CELF2: variants seen among roughly 807,000 people sequenced by gnomAD.
The protein encoded by CELF2 is CUGBP Elav-like family member 2.
A neutral mutation model predicts 62.6 loss-of-function variants in CELF2; 8 were observed. That is an observed-to-expected ratio of 0.13 (90% CI 0.07 to 0.23). CELF2 has a LOEUF of 0.23. Ranked by LOEUF, CELF2 falls within the 10% of genes least tolerant of loss-of-function variation. CELF2 has a pLI of 1.00. For synonymous variants in CELF2, 258 were observed against 250.0 expected (o/e 1.03, Z -0.30); for missense variants, 333 against 671.0 (o/e 0.50, Z 5.56).
In CELF2 at chr10:10,936,866, C is replaced by T. The variant is rs2046448856; in HGVS notation, c.89+16867C>T. 6.6e-6 allele frequency among the ~76,000 whole-genome samples: 1 copy of T among 152,108 alleles called. No individual in the cohort carries two copies. Among genetic ancestry groups the T allele is most frequent in the African/African-American group, 2.4e-5 (1 of 41,390 alleles). ...CTGATTCAGCTGGTCTGGGGCAAAA[C>T]CTGAAATTCTGTATTTCTGACAAGC... On this transcript the variant is annotated intron_variant, in intron 2 of 13. Coordinates refer to the CELF2 transcript ENST00000636488. The surrounding 1 kb of genome is among the most constrained non-coding windows in gnomAD (Gnocchi z 4.0).
the CELF2 span, among the ~76,000 whole-genome samples, chr10:10,745,651 G>A: frequency 5.9e-5 from 9 of 152,224 alleles, no homozygotes; most frequent in South Asian, 6.2e-4. Flanking sequence ...TACAAAGACC[G>A]CCTATCTTCG....
At position 11,253,463 on chromosome 10, in the gene CELF2, C is replaced by T. The variant is rs138921717; in HGVS notation, c.403+4262C>T. 8.6e-4 allele frequency among the ~76,000 whole-genome samples: 131 copies of T among 152,292 alleles called. 4 individuals are homozygous for T. The East Asian group carries it at 0.023, about 27-fold the overall frequency. ...TGGGGTGGCTCCATCCAGTCACTTT[C>T]TGATTCACGGGAAGATGAAGAAATA... On this transcript the variant is annotated intron_variant, in intron 4 of 12. Transcript: ENST00000633077.
the CELF2 span, among the ~76,000 whole-genome samples, chr10:10,671,516 T>C: frequency 6.6e-6 from 1 of 152,202 alleles, no homozygotes; most frequent in Non-Finnish European, 1.5e-5. Flanking sequence ...CCAAAATGTC[T>C]TCCCAAAAGA....
intron 2 of CELF2, among the ~76,000 whole-genome samples, chr10:11,174,284 A>G (rs1217066355): frequency 1.3e-5 from 2 of 152,116 alleles, no homozygotes; most frequent in Non-Finnish European, 2.9e-5. Context: ...GCAAGCAGAG[A>G]AGAAAGTTTT....
At chr10:10,507,870 GCCCT>G in the CELF2 span, among the ~76,000 whole-genome samples, 1 of 152,140 alleles carries the variant, frequency 6.6e-6, no homozygotes, top group East Asian at 1.9e-4. Context: ...AATATTGAAA[GCCCT>G]CAAATTTAGT....
chr10:11,106,545 C>G (rs1478760320), intron 1 of CELF2, among the ~76,000 whole-genome samples: 2 of 152,206 alleles, frequency 1.3e-5, no homozygotes, highest in African/African-American at 4.8e-5. Context: ...CCCATCTTGA[C>G]ACTTTTAATA....
At chr10:11,277,457 A>G (rs1052058368) in intron 8 of CELF2, among the ~76,000 whole-genome samples, 13 of 152,252 alleles carry the variant, frequency 8.5e-5, no homozygotes, top group South Asian at 8.3e-4. Flanking sequence ...TACTCTGTGG[A>G]TACTCTTCCG....
chr10:10,973,773 G>A (rs1367895983), intron 2 of CELF2, among the ~76,000 whole-genome samples: 1 of 152,048 alleles, frequency 6.6e-6, no homozygotes. Context: ...TCATTCTGTT[G>A]CCTGGGCTGG....
intron 1 of CELF2, among the ~76,000 whole-genome samples, chr10:11,091,472 C>A (rs1212481265): frequency 6.6e-6 from 1 of 152,188 alleles, no homozygotes; most frequent in Non-Finnish European, 1.5e-5. Flanking sequence ...CATGGCACAT[C>A]CCTTCAAGAA....
chr10:10,885,253 C>CA (rs1272045144), intron 1 of CELF2, among the ~76,000 whole-genome samples: 1 of 150,430 alleles, frequency 6.6e-6, no homozygotes, highest in Non-Finnish European at 1.5e-5. Context: ...AAAAAAAAAA[C>CA]AAAAAAGATA....
intron 2 of CELF2, among the ~76,000 whole-genome samples, chr10:10,969,700 A>G (rs1265774896): frequency 6.6e-6 from 1 of 152,180 alleles, no homozygotes; most frequent in African/African-American, 2.4e-5. Context: ...TACATATCAA[A>G]TATAGATGCA....
At chr10:10,679,127 T>G in the CELF2 span, among the ~76,000 whole-genome samples, 1 of 152,190 alleles carries the variant, frequency 6.6e-6, no homozygotes, top group Non-Finnish European at 1.5e-5. Context: ...ATAATACTTG[T>G]TTATTTATAA....
At chr10:10,620,382 G>T in the CELF2 span, among the ~76,000 whole-genome samples, 1 of 145,514 alleles carries the variant, frequency 6.9e-6, no homozygotes, top group Non-Finnish European at 1.5e-5. Flanking sequence ...GGCGGAGGTT[G>T]CAGTGAGCCT....
In CELF2 at chr10:11,296,454, A is replaced by G. The variant is rs2093196061; in HGVS notation, c.976+7902A>G. On this transcript the variant is annotated intron_variant, in intron 9 of 12. Coordinates refer to ENST00000633077, the MANE Select transcript of CELF2 (RefSeq NM_001326342.2). The surrounding 1 kb of genome is among the most constrained non-coding windows in gnomAD (Gnocchi z 5.0). ...TATTTCTGTGATCTTGTATGATACA[A>G]ACATGTTATCACCACTAGCACTGGT... Among the ~76,000 whole-genome samples, 1 of 152,160 alleles carries G rather than the reference A, an allele frequency of 6.6e-6. No homozygotes were observed. The highest frequency in any genetic ancestry group is 6.5e-5 in the Admixed American group (1 of 15,286).
chr10:11,140,947 G>A (rs896803311), intron 1 of CELF2, among the ~76,000 whole-genome samples: 3 of 152,216 alleles, frequency 2.0e-5, no homozygotes, highest in Non-Finnish European at 4.4e-5. Context: ...CGCCGGGGGT[G>A]TTGAGGCTAC....
chr10:10,987,928 C>A (rs531268353), intron 2 of CELF2, among the ~76,000 whole-genome samples: 2 of 148,842 alleles, frequency 1.3e-5, no homozygotes, highest in Non-Finnish European at 2.9e-5. Context: ...CTTACTCCTG[C>A]AAGAATGGCC....
chr10:10,481,570 A>G, the CELF2 span, among the ~76,000 whole-genome samples: 1 of 152,216 alleles, frequency 6.6e-6, no homozygotes, highest in African/African-American at 2.4e-5. Context: ...AGATTTGAAG[A>G]TGGCATCTCA....
chr10:10,952,633 C>T (rs910546283), intron 2 of CELF2, among the ~76,000 whole-genome samples: 2 of 144,914 alleles, frequency 1.4e-5, no homozygotes, highest in African/African-American at 5.2e-5. Context: ...TGTCTATCTA[C>T]ATATATTTAT....
intron 3 of CELF2, 70 bp from the exon 4 acceptor site, chr10:11,249,083 G>A: frequency 8.2e-7 from 1 of 1,226,700 alleles, no homozygotes. Flanking sequence ...TAATCGAATT[G>A]CTGCAGATTT....
Sources: gnomAD v4.1 joint callset for allele counts (sites outside exome capture counted in the v4.1 genomes callset) on GRCh38, gnomAD v4.1.1 for gene constraint, Gnocchi (gnomAD v3.1) non-coding constraint, MANE v1.5 for transcripts, NCBI Gene and HGNC (gene_info 2026-07-23, HGNC 2026-07-21) for gene names.